The following CHEK2 variants were observed in gnomAD, a reference collection of about 807,000 sequenced individuals.
CHEK2 encodes checkpoint kinase 2, also known as serine/threonine-protein kinase Chk2.
Under a neutral mutation model 69.1 loss-of-function variants are expected in CHEK2, and 71 were observed. The ratio of observed to expected loss-of-function variants is 1.03; its 90% confidence interval spans 0.85 to 1.25. The LOEUF is 1.25. CHEK2 is among the 50% of genes most tolerant of loss of function. The pLI is 0.00. For missense variants in CHEK2, 664 were observed against 649.6 expected (o/e 1.02, Z -0.24); for synonymous variants, 189 against 226.9 (o/e 0.83, Z 1.50).
At position 28,689,178 on chromosome 22, in the gene CHEK2, G is replaced by A. The variant is rs28909981; in HGVS notation, c.1499C>T (p.Ser500Phe). 4 of 1,594,826 alleles carry A rather than the reference G, an allele frequency of 2.5e-6. No homozygotes were observed. In the East Asian group the frequency reaches 6.7e-5, roughly 27 times the overall value. The change falls in exon 14 of 15, where the codon TCT becomes TTT. Residue 500 changes from serine (S) to phenylalanine (F), a missense_variant. Ser to Phe is a radical substitution (Grantham distance 155). Coordinates refer to ENST00000404276, the MANE Select transcript of CHEK2 (RefSeq NM_007194.4). ...DMKRKFQDLL[S>F]EENESTALPQ... ...TAGAGCTGTGGATTCATTTTCCTCAGACAGAAGATCTTGAAACTTTCTCTT... is the reference window on the plus strand; with the variant it reads ...TAGAGCTGTGGATTCATTTTCCTCAAACAGAAGATCTTGAAACTTTCTCTT...
intron 5 of CHEK2, among the ~76,000 whole-genome samples, chr22:28,718,126 T>C (rs1307096836): frequency 6.6e-6 from 1 of 151,820 alleles, no homozygotes; most frequent in Admixed American, 6.6e-5. Flanking sequence ...GGCGAAAGAG[T>C]TAATTTCACC....
chr22:28,734,325 A>G, intron 2 of CHEK2, 78 bp downstream of exon 2: 1 of 1,424,318 alleles, frequency 7.0e-7, no homozygotes, highest in South Asian at 1.2e-5. Flanking sequence ...CTCCAATCAG[A>G]ACCTTCCACC....
chr22:28,689,278 G>C (rs2052251820), intron 13 of CHEK2, 63 bp from the exon 14 acceptor site: 1 of 1,089,678 alleles, frequency 9.2e-7, no homozygotes, highest in Admixed American at 1.7e-5. Flanking sequence ...TAGAATGACA[G>C]GGCTAGCATG....
At chr22:28,729,421 A>G in intron 2 of CHEK2, 1 of 158,546 alleles carries the variant, frequency 6.3e-6, no homozygotes, top group Non-Finnish European at 1.4e-5. Flanking sequence ...GGGCGCCTGT[A>G]GTCCCAGCTA....
intron 5 of CHEK2, among the ~76,000 whole-genome samples, chr22:28,715,745 A>G (rs2053565504): frequency 6.6e-6 from 1 of 152,128 alleles, no homozygotes; most frequent in African/African-American, 2.4e-5. Flanking sequence ...TACAAAAGCC[A>G]GTAAATTTTT....
intron 5 of CHEK2, among the ~76,000 whole-genome samples, chr22:28,713,883 G>C (rs775396211): frequency 6.6e-6 from 1 of 151,792 alleles, no homozygotes; most frequent in Non-Finnish European, 1.5e-5. Context: ...GTTTCACCAT[G>C]TTGGGCAGGC....
intron 5 of CHEK2, among the ~76,000 whole-genome samples, chr22:28,716,179 ATTTCTTT>A (rs1398710147): frequency 2.1e-5 from 3 of 144,546 alleles, no homozygotes; most frequent in South Asian, 2.2e-4. Context: ...AGCCTCATAC[ATTTCTTT>A]TTTCTTTTTT....
At chr22:28,710,676 C>T (rs2053361559) in intron 6 of CHEK2, among the ~76,000 whole-genome samples, 1 of 152,150 alleles carries the variant, frequency 6.6e-6, no homozygotes, top group Non-Finnish European at 1.5e-5. Context: ...AATCAAGTAA[C>T]TCAGCTTCCT....
intron 8 of CHEK2, among the ~76,000 whole-genome samples, chr22:28,702,308 A>T (rs541346367): frequency 3.3e-5 from 5 of 150,436 alleles, no homozygotes; most frequent in Admixed American, 1.3e-4. Context: ...GCGCGATCTC[A>T]GCTCATTGCA....
intron 4 of CHEK2, among the ~76,000 whole-genome samples, chr22:28,722,265 G>A (rs2053812250): frequency 6.6e-6 from 1 of 151,880 alleles, no homozygotes. Flanking sequence ...TGGTCGCCGG[G>A]CGCGGTGGCT....
intron 5 of CHEK2, among the ~76,000 whole-genome samples, chr22:28,715,906 C>T (rs1056035112): frequency 2.0e-5 from 3 of 151,618 alleles, no homozygotes; most frequent in Non-Finnish European, 4.4e-5. Flanking sequence ...CACTCTATCG[C>T]CCAGGCTGGA....
intron 5 of CHEK2, 55 bp from the exon 6 acceptor site, chr22:28,712,072 AC>A: frequency 8.3e-7 from 1 of 1,203,138 alleles, no homozygotes; most frequent in Non-Finnish European, 1.2e-6. Flanking sequence ...TATGAGACCT[AC>A]CACTCCTGGG....
intron 13 of CHEK2, among the ~76,000 whole-genome samples, chr22:28,689,804 G>A (rs8135424): frequency 0.14 from 20,630 of 152,120 alleles, 1,618 homozygotes; most frequent in African/African-American, 0.19. Context: ...GAGGTGAGGG[G>A]TTTCATGCTG....
chr22:28,719,277 A>T, intron 5 of CHEK2, 118 bp downstream of exon 5: 1 of 556,406 alleles, frequency 1.8e-6, no homozygotes, highest in South Asian at 2.7e-5. Context: ...ATACACAAAT[A>T]GATACCATAC....
At chr22:28,688,338 GA>G (rs1569103029) in intron 14 of CHEK2, among the ~76,000 whole-genome samples, 1 of 152,246 alleles carries the variant, frequency 6.6e-6, no homozygotes, top group African/African-American at 2.4e-5. Flanking sequence ...TTTGCGGGAA[GA>G]CAACCTTTGT....
rs922217259 is a variant in CHEK2, at chr22:28,731,615, A to G, written c.319+2788T>C. ...CGTCTCAAATAATAATAATAATAAT[A>G]ATGATAAACAGTCTCTATTTATTCA... On this transcript the variant is annotated intron_variant, in intron 2 of 14. Coordinates refer to ENST00000404276, the MANE Select transcript of CHEK2 (RefSeq NM_007194.4). Among the ~76,000 whole-genome samples, 12 of 151,984 alleles carry G rather than the reference A, an allele frequency of 7.9e-5. 2 individuals are homozygous for G. The highest frequency in any genetic ancestry group is 1.2e-4 in the African/African-American group (5 of 41,370).
chr22:28,697,654 C>G (rs2052646143), intron 9 of CHEK2, among the ~76,000 whole-genome samples: 1 of 151,986 alleles, frequency 6.6e-6, no homozygotes, highest in African/African-American at 2.4e-5. Context: ...ACTACAGCCT[C>G]AACCTCCTCA....
intron 9 of CHEK2, among the ~76,000 whole-genome samples, chr22:28,698,720 T>C (rs1018826739): frequency 1.3e-5 from 2 of 152,170 alleles, no homozygotes; most frequent in Admixed American, 1.3e-4. Flanking sequence ...CACCAGCTAT[T>C]CTTTCATCTA....
rs534219696 is a variant in CHEK2 at position 28,724,159 on chromosome 22, G to A, written c.592+818C>T. On this transcript the variant is annotated intron_variant, in intron 4 of 14. Coordinates refer to ENST00000404276, the MANE Select transcript of CHEK2 (RefSeq NM_007194.4). ...GCGGGGGCTCACGCCTGTAATCCCA[G>A]CACTTTGGGAGGCTGAAGCAGGCAG... Among the ~76,000 whole-genome samples the A allele has an allele frequency of 9.9e-5, 15 of 152,236 alleles. No individual in the cohort carries two copies. In the South Asian group the frequency reaches 2.1e-3, roughly 21 times the overall value.
Sources: gnomAD v4.1 joint callset for allele counts (sites outside exome capture counted in the v4.1 genomes callset) on GRCh38, gnomAD v4.1.1 for gene constraint, MANE v1.5 for transcripts, NCBI Gene and HGNC (gene_info 2026-07-23, HGNC 2026-07-21) for gene names.